KCNC3: variants seen among roughly 807,000 people sequenced by gnomAD.
KCNC3 encodes the protein potassium voltage-gated channel subfamily C member 3.
KCNC3 carries 22 observed loss-of-function variants against 43.9 expected under a neutral mutation model. The observed-to-expected ratio is 0.50, with a 90% CI of 0.36 to 0.72. The LOEUF (loss-of-function observed/expected upper bound fraction) is 0.72. KCNC3 is among the 30% of genes least tolerant of loss of function. The pLI is 0.00. For synonymous variants in KCNC3, 492 were observed against 488.0 expected (o/e 1.01, Z -0.11); for missense variants, 829 against 1,073.8 (o/e 0.77, Z 3.19).
At position 50,329,111 on chromosome 19, in the gene KCNC3, G is replaced by T; in HGVS notation, c.-29C>A. ...ACGGGGGGCGGGGCGGGAGGGGCGGGGACGCAGGGGCGGGGACACGGGGGG... is the reference window on the plus strand; with the variant it reads ...ACGGGGGGCGGGGCGGGAGGGGCGGTGACGCAGGGGCGGGGACACGGGGGG... On this transcript the variant is annotated 5_prime_UTR_variant, in exon 1 of 5. Coordinates refer to ENST00000477616, the MANE Select transcript of KCNC3 (RefSeq NM_004977.3). The T allele has an allele frequency of 4.2e-6, 1 of 236,932 alleles. No individual in the cohort carries two copies. 14.7% of individuals were successfully genotyped at this position (236,932 alleles called of 1,614,324 possible). A position where few individuals can be genotyped will look rare whatever the true frequency, so the allele number is the denominator to read the frequency against.
Position 50,323,166 on chromosome 19 carries a change from G to A in KCNC3, c.1787C>T (p.Pro596Leu), listed in dbSNP as rs948853005. Residue 596 changes from proline to leucine, a missense_variant, in exon 2 of 5, where the codon CCG becomes CTG. Transcript: ENST00000477616. The stretch of plus-strand genomic sequence containing the variant: ...GGAGGGTGGGGTGATGGGTGGCGGC[G>A]GGCTGATGCCCCCGCTGCCGTGGTG... ...HPHHGSGGIS[P>L]PPPITPPSMG... 19 of 1,531,444 alleles carry A rather than the reference G, an allele frequency of 1.2e-5. No homozygotes were observed. The highest frequency in any genetic ancestry group is 1.1e-4 in the African/African-American group (8 of 72,834). The allele number at this position is 1,531,444 out of a possible 1,614,324, so 94.9% of individuals were successfully genotyped here.
chr19:50,327,182 G>A (rs1170254827), intron 1 of KCNC3, among the ~76,000 whole-genome samples: 1 of 152,020 alleles, frequency 6.6e-6, no homozygotes, highest in East Asian at 1.9e-4. Context: ...GAGAAGCTGC[G>A]AGGATCTATG....
chr19:50,325,192 C>T (rs2037087025), intron 1 of KCNC3, among the ~76,000 whole-genome samples: 1 of 151,866 alleles, frequency 6.6e-6, no homozygotes, highest in Non-Finnish European at 1.5e-5. Flanking sequence ...TGGGCCAGGC[C>T]CCTAGAGATG....
chr19:50,329,272 G>T lies in KCNC3; in HGVS notation c.-190C>A, dbSNP rs544881323. The T allele has an allele frequency of 8.5e-5, 20 of 236,130 alleles. No homozygotes were observed. Among genetic ancestry groups the T allele is most frequent in the Non-Finnish European group, 1.4e-4 (17 of 123,040 alleles). The allele number at this position is 236,130 out of a possible 1,614,324, so 14.6% of individuals were successfully genotyped here. On this transcript the variant is annotated 5_prime_UTR_variant, in exon 1 of 5. Coordinates refer to ENST00000477616, the MANE Select transcript of KCNC3 (RefSeq NM_004977.3). ...AGGAGTGGGGCGGGCACTCTAACGC[G>T]ACCCAGCTGGACGAGTCGGGGCCGC... is the stretch of plus-strand genomic sequence containing the variant.
chr19:50,320,326 G>T lies in KCNC3; in HGVS notation c.2194C>A (p.Pro732Thr). Residue 732 changes from proline to threonine, a missense_variant, in exon 4 of 5, where the codon CCC (proline) becomes ACC (threonine). Physicochemically the swap from Pro to Thr is conservative, Grantham distance 38. This residue lies in a region of KCNC3 where 308 missense variants were observed against 276.2 expected (regional missense o/e 1.11). Transcript: ENST00000477616. Reference protein sequence around the residue: ...RKATGAPPLPPQDWRKPGPPS... With the variant: ...RKATGAPPLPTQDWRKPGPPS... ...GGGCCTGGCTTACGCCAGTCTTGGG[G>T]GGGCAGTGGGGGAGCACCAGTGGCT... 7.2e-6 allele frequency: 3 copies of T among 418,012 alleles called. No individual in the cohort carries two copies. The highest frequency in any genetic ancestry group is 2.5e-5 in the South Asian group (1 of 40,388). 25.9% of individuals were successfully genotyped at this position (418,012 alleles called of 1,614,324 possible).
Position 50,324,086 on chromosome 19 carries a change from C to A in KCNC3, c.871-4G>T, listed in dbSNP as rs112673820. 59 of 1,587,144 alleles carry A rather than the reference C, an allele frequency of 3.7e-5. 1 individual carries two copies. The African/African-American group carries it at 5.9e-4, about 16-fold the overall frequency. On this transcript the variant is annotated splice_polypyrimidine_tract_variant and splice_region_variant and intron_variant, in intron 1 of 4. Transcript: ENST00000477616. This position sits in a 1 kb window ranked among gnomAD's most constrained non-coding sequence, Gnocchi z 4.1. The stretch of plus-strand genomic sequence containing the variant: ...AGAGGGAGGCGAAGGCCACATACTG[C>A]AGGGCAGGGAGGGAGAGAGAGGGGG...
At chr19:50,322,190 C>T (rs2037042688) in intron 2 of KCNC3, among the ~76,000 whole-genome samples, 1 of 152,160 alleles carries the variant, frequency 6.6e-6, no homozygotes, top group Admixed American at 6.5e-5. Flanking sequence ...CCTAGACTCC[C>T]AAGCCACTGC....
At position 50,328,818 on chromosome 19, in the gene KCNC3, T is replaced by TGCCGCTGTCGCC. The variant is rs1238610331; in HGVS notation, c.253_264dup (p.Gly85_Gly88dup). Reference sequence around the variant, plus strand: ...ACGCCGCCCACGTTGATCACGATCTTGCCGCTGTCGCCACCGCCGCCGCCG... The same window carrying TGCCGCTGTCGCC: ...ACGCCGCCCACGTTGATCACGATCTTGCCGCTGTCGCCGCCGCTGTCGCCACCGCCGCCGCCG... On this transcript the variant is annotated inframe_insertion, in exon 1 of 5. Coordinates refer to ENST00000477616, the MANE Select transcript of KCNC3 (RefSeq NM_004977.3). 2.0e-6 allele frequency: 3 copies of TGCCGCTGTCGCC among 1,512,324 alleles called. No individual in the cohort carries two copies. In the African/African-American group the frequency reaches 4.3e-5, roughly 22 times the overall value. The allele number at this position is 1,512,324 out of a possible 1,614,324, so 93.7% of individuals were successfully genotyped here.
Position 50,320,754 on chromosome 19 carries a change from G to A in KCNC3, c.2009C>T (p.Ala670Val). 6.2e-7 allele frequency: 1 copy of A among 1,614,008 alleles called. No homozygotes were observed. Residue 670 changes from alanine to valine, a missense_variant, in exon 3 of 5, where the codon GCT becomes GTT. Coordinates refer to ENST00000477616, the MANE Select transcript of KCNC3 (RefSeq NM_004977.3). ...DPRPNGDPAAAALAHEDCPAI... is the reference protein window; with the variant it reads ...DPRPNGDPAAVALAHEDCPAI... ...TGGGCAGTCCTCGTGGGCAAGCGCA[G>A]CTGCTGCCGGATCCCCATTGGGGCG...
upstream of KCNC3, among the ~76,000 whole-genome samples, chr19:50,332,303 A>G (rs1568575479): frequency 6.6e-6 from 1 of 152,302 alleles, no homozygotes; most frequent in Non-Finnish European, 1.5e-5. This position sits in a 1 kb window ranked among gnomAD's most constrained non-coding sequence, Gnocchi z 5.8. Flanking sequence ...TTTTCACAGC[A>G]GCCAGGCACG....
rs1271463230 is a variant in KCNC3 at position 50,315,867 on chromosome 19, CCTGCAGGGTT to C, written c.*238_*247del. ...GTGGTTTCTGCAAAGCCTGGGGCTG[CCTGCAGGGTT>C]CTGCACCCCCGCAGGGAGCTCTGTG... On this transcript the variant is annotated 3_prime_UTR_variant, in exon 5 of 5. Transcript: ENST00000477616. 15 of 323,204 alleles carry C rather than the reference CCTGCAGGGTT, an allele frequency of 4.6e-5. No individual in the cohort carries two copies. The East Asian group carries it at 5.9e-4, about 13-fold the overall frequency. 20.0% of individuals were successfully genotyped at this position (323,204 alleles called of 1,614,324 possible). A position where few individuals can be genotyped will look rare whatever the true frequency, so the allele number is the denominator to read the frequency against.
intron 1 of KCNC3, among the ~76,000 whole-genome samples, chr19:50,327,279 T>C (rs2037118816): frequency 6.6e-6 from 1 of 151,992 alleles, no homozygotes; most frequent in African/African-American, 2.4e-5. Context: ...CTGGAGGCAC[T>C]GAGGAGGAGT....
Position 50,323,026 on chromosome 19 carries a change from C to T in KCNC3, c.1927G>A (p.Gly643Ser), listed in dbSNP as rs778523009. Reference sequence around the variant, plus strand: ...TCCTGAGCCAACGGGCAAGGCTCGCCGGGGGCTGGCAGAGGAGGCAGCCCC... The same window carrying T: ...TCCTGAGCCAACGGGCAAGGCTCGCTGGGGGCTGGCAGAGGAGGCAGCCCC... Reference protein sequence around the residue: ...IMGLPPLPAPGEPCPLAQEEV... With the variant: ...IMGLPPLPAPSEPCPLAQEEV... Residue 643 changes from glycine to serine, a missense_variant, in exon 2 of 5, where the codon GGC (glycine) becomes AGC (serine). By Grantham distance (56) the Gly-to-Ser change is moderately conservative (BLOSUM62 0). Around this residue, in one of 7 missense-constraint regions of KCNC3, gnomAD observed 308 missense variants for 276.2 expected, o/e 1.11. Transcript: ENST00000477616. 137 of 1,545,756 alleles carry T rather than the reference C, an allele frequency of 8.9e-5. No individual in the cohort carries two copies. The highest frequency in any genetic ancestry group is 2.0e-4 in the Middle Eastern group (1 of 5,014).
At chr19:50,325,835 T>A (rs919128056) in intron 1 of KCNC3, among the ~76,000 whole-genome samples, 3 of 151,548 alleles carry the variant, frequency 2.0e-5, no homozygotes, top group African/African-American at 7.3e-5. Context: ...CGGAGCCTAT[T>A]CAACGCGCAG....
At position 50,323,888 on chromosome 19, in the gene KCNC3, G is replaced by A. The variant is rs761297836; in HGVS notation, c.1065C>T (p.Cys355=). Reference sequence around the variant, plus strand: ...GGAACTCGAAGGTGAACCAGACCACGCACACCCCCTCCACGTAGGTCAGGA... The same window carrying A: ...GGAACTCGAAGGTGAACCAGACCACACACACCCCCTCCACGTAGGTCAGGA... The part of the protein sequence containing the change: ...EPFLTYVEGV[C]VVWFTFEFLM... The change falls in exon 2 of 5, where the codon TGC becomes TGT. Residue 355 remains cysteine (C), a synonymous_variant. Transcript: ENST00000477616. 30 of 1,614,046 alleles carry A rather than the reference G, an allele frequency of 1.9e-5. No homozygotes were observed. The highest frequency in any genetic ancestry group is 5.3e-5 in the African/African-American group (4 of 74,932).
intron 2 of KCNC3, among the ~76,000 whole-genome samples, chr19:50,321,052 G>T (rs1307607825): frequency 6.6e-6 from 1 of 151,470 alleles, no homozygotes; most frequent in Non-Finnish European, 1.5e-5. Flanking sequence ...TGGGAAGGGT[G>T]GTCTGGACAG....
chr19:50,331,196 C>T (rs2037184432), upstream of KCNC3, among the ~76,000 whole-genome samples: 1 of 151,986 alleles, frequency 6.6e-6, no homozygotes, highest in African/African-American at 2.4e-5. Context: ...CTGATTCTGT[C>T]CCCCTCCTTC....
chr19:50,324,035 G>C lies in KCNC3; in HGVS notation c.918C>G (p.Thr306=). 6.2e-7 allele frequency: 1 copy of C among 1,606,878 alleles called. No individual in the cohort carries two copies. The highest frequency in any genetic ancestry group is 8.5e-7 in the Non-Finnish European group (1 of 1,175,016). The change falls in exon 2 of 5, where the codon ACC becomes ACG. Residue 306 remains threonine, a synonymous_variant. Transcript: ENST00000477616. The surrounding 1 kb of genome is among the most constrained non-coding windows in gnomAD (Gnocchi z 4.1). ...AGCCCTCATGGGTTTCCAGGCAGAA[G>C]GTGGTGATGGAGATGAGGATGAAGA... ...SLFFILISIT[T]FCLETHEGFI... is the part of the protein sequence containing the mutation.
chr19:50,332,462 G>C (rs915049022), upstream of KCNC3, among the ~76,000 whole-genome samples: 2 of 152,124 alleles, frequency 1.3e-5, no homozygotes, highest in Non-Finnish European at 2.9e-5. This position sits in a 1 kb window ranked among gnomAD's most constrained non-coding sequence, Gnocchi z 5.8. Context: ...AGCGGGCCGG[G>C]AGTAGCAGGC....
Sources: gnomAD v4.1 joint callset for allele counts (sites outside exome capture counted in the v4.1 genomes callset) on GRCh38, gnomAD v4.1.1 for gene constraint, gnomAD v4.1.1 regional missense constraint, Gnocchi (gnomAD v3.1) non-coding constraint, MANE v1.5 for transcripts, NCBI Gene and HGNC (gene_info 2026-07-23, HGNC 2026-07-21) for gene names.